The following USP24 variants were observed in gnomAD, a reference collection of about 807,000 sequenced individuals.
USP24 encodes the protein ubiquitin specific peptidase 24.
In USP24, 97 loss-of-function variants were observed where a neutral mutation model predicts 361.6. The observed-to-expected ratio is 0.27, with a 90% CI of 0.23 to 0.32. USP24 has a LOEUF of 0.32. Ranked by LOEUF, USP24 falls within the 10% of genes least tolerant of loss-of-function variation. The pLI is 1.00. For synonymous variants in USP24, 1,098 were observed against 1,124.6 expected (o/e 0.98, Z 0.47); for missense variants, 2,353 against 3,165.6 (o/e 0.74, Z 6.16).
chr1:55,086,768 CAG>C (rs1645260118), intron 55 of USP24, among the ~76,000 whole-genome samples: 1 of 152,258 alleles, frequency 6.6e-6, no homozygotes, highest in Middle Eastern at 3.4e-3. Context: ...TAAAATACTT[CAG>C]AGAGACAAAA....
intron 28 of USP24, among the ~76,000 whole-genome samples, 182 bp from the exon 29 acceptor site, chr1:55,134,595 T>C (rs1646682389): frequency 6.6e-6 from 1 of 152,164 alleles, no homozygotes; most frequent in African/African-American, 2.4e-5. Context: ...AGACGAGGGA[T>C]CACTACCTCC....
rs375179823 is a variant in USP24, at chr1:55,123,469, T to C, written c.4254A>G (p.Leu1418=). The stretch of plus-strand genomic sequence containing the variant: ...TACCCAGTTGCTGGCTCCGAAGCTG[T>C]AGGCACGTAACAAGAAGAGACAAAG... The part of the protein sequence containing the change: ...GEALSLLVTC[L]QLRSQQLASF... The change falls in exon 36 of 68, where the codon CTA becomes CTG. Residue 1418 remains leucine (L), a synonymous_variant. Coordinates refer to ENST00000294383, the MANE Select transcript of USP24 (RefSeq NM_015306.3). 70 of 1,596,354 alleles carry C rather than the reference T, an allele frequency of 4.4e-5. No individual in the cohort carries two copies. The highest frequency in any genetic ancestry group is 1.0e-4 in the Admixed American group (6 of 57,668).
chr1:55,187,375 G>A (rs60416607), intron 1 of USP24, among the ~76,000 whole-genome samples: 285 of 152,300 alleles, frequency 1.9e-3, no homozygotes, highest in African/African-American at 6.8e-3. Flanking sequence ...CTTTTCTCTA[G>A]ATCAGGAATG....
At chr1:55,159,111 C>T in intron 9 of USP24, 75 bp from the exon 10 acceptor site, 1 of 1,242,618 alleles carries the variant, frequency 8.0e-7, no homozygotes, top group Non-Finnish European at 1.1e-6. Flanking sequence ...ATAACATACA[C>T]AAGAATATAG....
intron 43 of USP24, among the ~76,000 whole-genome samples, chr1:55,101,257 T>C (rs1645626742): frequency 6.6e-6 from 1 of 152,232 alleles, no homozygotes; most frequent in Non-Finnish European, 1.5e-5. Context: ...GACCATATTA[T>C]TGTAAAGTGC....
intron 1 of USP24, among the ~76,000 whole-genome samples, chr1:55,192,071 T>G (rs548169742): frequency 4.6e-5 from 7 of 152,332 alleles, no homozygotes; most frequent in African/African-American, 1.7e-4. Context: ...TAAGTACACA[T>G]GCACACAAAA....
At chr1:55,110,025 A>G (rs1297691285) in intron 39 of USP24, among the ~76,000 whole-genome samples, 160 bp downstream of exon 39, 2 of 152,218 alleles carry the variant, frequency 1.3e-5, no homozygotes, top group Non-Finnish European at 2.9e-5. Flanking sequence ...TCACTGGTAC[A>G]CAGGTTTATA....
At chr1:55,137,999 C>G in intron 26 of USP24, 95 bp from the exon 27 acceptor site, 3 of 1,231,258 alleles carry the variant, frequency 2.4e-6, no homozygotes, top group Non-Finnish European at 2.3e-6. Flanking sequence ...GGGCACTGTT[C>G]TAGAAGCTGG....
At chr1:55,088,419 A>G (rs1386747234) in intron 55 of USP24, among the ~76,000 whole-genome samples, 1 of 152,222 alleles carries the variant, frequency 6.6e-6, no homozygotes, top group African/African-American at 2.4e-5. Flanking sequence ...AAAATTCTAG[A>G]AAGTAAAGAT....
intron 55 of USP24, among the ~76,000 whole-genome samples, chr1:55,087,506 G>C (rs1187098726): frequency 6.6e-6 from 1 of 152,204 alleles, no homozygotes; most frequent in African/African-American, 2.4e-5. Context: ...CAATGCTCAG[G>C]AGTCCCGTTG....
intron 1 of USP24, among the ~76,000 whole-genome samples, chr1:55,202,106 G>C (rs1644591396): frequency 1.3e-5 from 2 of 152,154 alleles, no homozygotes; most frequent in Admixed American, 6.5e-5. Flanking sequence ...TCCTTTTTAA[G>C]TATCCTCTAA....
chr1:55,182,506 T>C (rs986500139), intron 1 of USP24, among the ~76,000 whole-genome samples: 2 of 152,182 alleles, frequency 1.3e-5, no homozygotes, highest in Non-Finnish European at 2.9e-5. Context: ...TATCCATCAT[T>C]AATTTCTACA....
chr1:55,176,363 A>T lies in USP24; in HGVS notation c.558+13T>A. 1 of 1,559,844 alleles carries T rather than the reference A, an allele frequency of 6.4e-7. No homozygotes were observed. Among genetic ancestry groups the T allele is most frequent in the Non-Finnish European group, 8.7e-7 (1 of 1,150,398 alleles). ...GACACACACAAAATATCACAGCAGC[A>T]CATTTTTCTTACCTTTTTAAATGCT... On this transcript the variant is annotated intron_variant, in intron 3 of 67. Transcript: ENST00000294383.
At chr1:55,081,281 C>G in intron 59 of USP24, 41 bp downstream of exon 59, 1 of 1,582,538 alleles carries the variant, frequency 6.3e-7, no homozygotes, top group Non-Finnish European at 8.7e-7. Context: ...CCAAGCTAGA[C>G]AAATTCAGTA....
rs939747472 is a variant in USP24 at position 55,089,528 on chromosome 1, A to G, written c.6668+99T>C. The G allele has an allele frequency of 1.5e-5, 12 of 796,720 alleles. No homozygotes were observed. In the African/African-American group the frequency reaches 1.8e-4, roughly 12 times the overall value. The allele number at this position is 796,720 out of a possible 1,614,324, so 49.4% of individuals were successfully genotyped here. A position where few individuals can be genotyped will look rare whatever the true frequency, so the allele number is the denominator to read the frequency against. On this transcript the variant is annotated intron_variant, in intron 55 of 67. Coordinates refer to ENST00000294383, the MANE Select transcript of USP24 (RefSeq NM_015306.3). Reference sequence around the variant, plus strand: ...TTTAAAATAGACTTTAAGCAGAACAATAATTTCAAGTTGAAATAAAAAGGG... The same window carrying G: ...TTTAAAATAGACTTTAAGCAGAACAGTAATTTCAAGTTGAAATAAAAAGGG...
chr1:55,079,952 G>T (rs1645116098), intron 59 of USP24, among the ~76,000 whole-genome samples: 1 of 152,064 alleles, frequency 6.6e-6, no homozygotes, highest in African/African-American at 2.4e-5. Context: ...AACACACTGA[G>T]TACTCACACA....
Position 55,146,969 on chromosome 1 carries a change from C to G in USP24, c.2210G>C (p.Cys737Ser). ...GWNRAKEIWE[C>S]LVTGQDVCEL... ...ACAAACATCCTGGCCAGTTACAAGACACTCCCAGATCTCCTTGGCACGATT... is the reference window on the plus strand; with the variant it reads ...ACAAACATCCTGGCCAGTTACAAGAGACTCCCAGATCTCCTTGGCACGATT... Residue 737 changes from cysteine (C) to serine (S), a missense_variant, in exon 19 of 68, where the codon TGT (cysteine) becomes TCT (serine). This residue lies in a region of USP24 where 949 missense variants were observed against 1,280.5 expected (regional missense o/e 0.74). Coordinates refer to ENST00000294383, the MANE Select transcript of USP24 (RefSeq NM_015306.3). 2 of 1,611,940 alleles carry G rather than the reference C, an allele frequency of 1.2e-6. No homozygotes were observed. The highest frequency in any genetic ancestry group is 1.7e-6 in the Non-Finnish European group (2 of 1,178,902).
intron 35 of USP24, among the ~76,000 whole-genome samples, chr1:55,124,023 T>C (rs941215695): frequency 4.6e-5 from 7 of 152,170 alleles, no homozygotes; most frequent in South Asian, 2.1e-4. Context: ...TCCTTTATTA[T>C]TGAGGTATTT....
intron 1 of USP24, among the ~76,000 whole-genome samples, chr1:55,195,011 TAAAAC>T (rs71048727): frequency 0.12 from 18,543 of 151,700 alleles, 2,282 homozygotes; most frequent in African/African-American, 0.33. Context: ...TGATCTTCCT[TAAAAC>T]AAAACAAAAC....
Sources: gnomAD v4.1 joint callset for allele counts (sites outside exome capture counted in the v4.1 genomes callset) on GRCh38, gnomAD v4.1.1 for gene constraint, gnomAD v4.1.1 regional missense constraint, MANE v1.5 for transcripts, NCBI Gene and HGNC (gene_info 2026-07-23, HGNC 2026-07-21) for gene names.